The following FAM83G variants were observed in gnomAD, a reference collection of about 807,000 sequenced individuals.
FAM83G encodes the protein scaffolding CK1 anchoring protein G.
A neutral mutation model predicts 61.5 loss-of-function variants in FAM83G; 38 were observed. That is an observed-to-expected ratio of 0.62 (90% CI 0.48 to 0.81). The LOEUF is 0.81. Among genes scored for constraint, FAM83G ranks in the 30% least tolerant of loss-of-function variants. The pLI is 0.00. For missense variants in FAM83G, 989 were observed against 1,133.6 expected, an observed-to-expected ratio of 0.87 and a Z score of 1.83; for synonymous variants, 470 against 476.1, an observed-to-expected ratio of 0.99 and a Z score of 0.17.
intron 2 of FAM83G, among the ~76,000 whole-genome samples, chr17:19,002,045 C>T (rs1219846198): frequency 1.3e-5 from 2 of 152,202 alleles, no homozygotes; most frequent in Non-Finnish European, 2.9e-5. Flanking sequence ...ACATCAGCAG[C>T]ACTTCCTCCA....
At chr17:18,995,887 AAC>A (rs1261686910) in intron 2 of FAM83G, among the ~76,000 whole-genome samples, 4 of 151,590 alleles carry the variant, frequency 2.6e-5, no homozygotes, top group African/African-American at 9.7e-5. Flanking sequence ...CAGCCTGGGC[AAC>A]AGAGTAAGAC....
At chr17:19,006,020 A>G (rs937617824), upstream of FAM83G, among the ~76,000 whole-genome samples, 4 of 152,122 alleles carry the variant, frequency 2.6e-5, no homozygotes, top group African/African-American at 9.7e-5. Flanking sequence ...CTGTGTTCTT[A>G]CCAATGCACA....
At position 19,000,368 on chromosome 17, in the gene FAM83G, C is replaced by T. The variant is rs979126657; in HGVS notation, c.522+3152G>A. Among the ~76,000 whole-genome samples the T allele has an allele frequency of 2.6e-5, 4 of 152,160 alleles. No individual in the cohort carries two copies. Among genetic ancestry groups the T allele is most frequent in the Non-Finnish European group, 5.9e-5 (4 of 68,036 alleles). ...GTCTTCAATACCTGTTCCCATTTTA[C>T]AGATGGGATGACCGGGGCTTGGAGA... On this transcript the variant is annotated intron_variant, in intron 2 of 5. Transcript: ENST00000388995. This position sits in a 1 kb window ranked among gnomAD's most constrained non-coding sequence, Gnocchi z 5.2.
chr17:18,983,347 G>A (rs1238678451), intron 3 of FAM83G, among the ~76,000 whole-genome samples: 1 of 152,272 alleles, frequency 6.6e-6, no homozygotes, highest in Non-Finnish European at 1.5e-5. Flanking sequence ...TCCCACAGCA[G>A]GTCAACAGCC....
chr17:18,991,371 C>T (rs2043420086), intron 2 of FAM83G, among the ~76,000 whole-genome samples: 1 of 152,230 alleles, frequency 6.6e-6, no homozygotes, highest in South Asian at 2.1e-4. Flanking sequence ...GGGTGTGGGC[C>T]TGGCTTGCCC....
chr17:18,978,707 T>G lies in FAM83G; in HGVS notation c.959A>C (p.Glu320Ala). 6.2e-7 allele frequency: 1 copy of G among 1,612,952 alleles called. No homozygotes were observed. Among genetic ancestry groups the G allele is most frequent in the Non-Finnish European group, 8.5e-7 (1 of 1,180,008 alleles). The part of the protein sequence containing the change: ...VSLKGIPMEK[E>A]PEPEPIVLPS... ...CAGCACAATAGGCTCCGGCTCCGGT[T>G]CCTTCTCCATAGGGATGCCCTTGAG... Residue 320 changes from glutamate (E) to alanine (A), a missense_variant, in exon 5 of 6, where the codon GAA becomes GCA. This residue lies in a region of FAM83G where 44 missense variants were observed against 83.9 expected (regional missense o/e 0.52). Coordinates refer to ENST00000388995, the MANE Select transcript of FAM83G (RefSeq NM_001039999.3).
intron 4 of FAM83G, 56 bp downstream of exon 4, chr17:18,979,493 C>A: frequency 6.3e-7 from 1 of 1,599,048 alleles, no homozygotes; most frequent in Non-Finnish European, 8.5e-7. Flanking sequence ...AGGGCAGAAG[C>A]CAGTTGGGAG....
chr17:18,977,314 C>A, intron 5 of FAM83G: 1 of 580,056 alleles, frequency 1.7e-6, no homozygotes, highest in Non-Finnish European at 3.0e-6. Flanking sequence ...TAACCACAGG[C>A]TTTGGAGACC....
At chr17:18,999,589 G>A (rs1461960216) in intron 2 of FAM83G, among the ~76,000 whole-genome samples, 1 of 152,206 alleles carries the variant, frequency 6.6e-6, no homozygotes, top group Non-Finnish European at 1.5e-5. Flanking sequence ...ATGGTAAAGT[G>A]CCCGCTCAGC....
intron 2 of FAM83G, among the ~76,000 whole-genome samples, chr17:18,995,287 CT>C (rs2043536294): frequency 6.6e-6 from 1 of 151,920 alleles, no homozygotes; most frequent in African/African-American, 2.4e-5. Context: ...GATGTGGAAG[CT>C]TTTTTTTAGC....
chr17:18,993,963 C>T (rs1308123520), intron 2 of FAM83G, among the ~76,000 whole-genome samples: 3 of 152,206 alleles, frequency 2.0e-5, no homozygotes, highest in Non-Finnish European at 4.4e-5. Flanking sequence ...CCTCCTCGTC[C>T]TCCCACCAAC....
intron 4 of FAM83G, 154 bp downstream of exon 4, chr17:18,979,395 G>C: frequency 1.1e-6 from 1 of 901,070 alleles, no homozygotes; most frequent in Non-Finnish European, 1.6e-6. Context: ...TGCCTCCAGA[G>C]ACAGACAGGC....
intron 2 of FAM83G, among the ~76,000 whole-genome samples, chr17:18,993,641 T>C (rs1830280385): frequency 6.6e-6 from 1 of 152,174 alleles, no homozygotes; most frequent in African/African-American, 2.4e-5. Context: ...CTGCACACAC[T>C]GCAGACAAGT....
rs1206995760 is a variant in FAM83G, at chr17:19,004,169, T to C, written c.-128A>G. The stretch of plus-strand genomic sequence containing the variant: ...CCTCTGCTTCTCTGCCCATGAGCAA[T>C]CTGCGGGAAAGACCTGATGAGCCCG... On this transcript the variant is annotated splice_region_variant and 5_prime_UTR_variant, in exon 2 of 6. Coordinates refer to ENST00000388995, the MANE Select transcript of FAM83G (RefSeq NM_001039999.3). This position sits in a 1 kb window ranked among gnomAD's most constrained non-coding sequence, Gnocchi z 5.4. The C allele has an allele frequency of 5.7e-6, 5 of 877,392 alleles. No homozygotes were observed. The highest frequency in any genetic ancestry group is 3.5e-5 in the African/African-American group (2 of 56,486). The allele number at this position is 877,392 out of a possible 1,614,324, so 54.4% of individuals were successfully genotyped here.
intron 3 of FAM83G, among the ~76,000 whole-genome samples, chr17:18,981,282 C>T (rs1277083757): frequency 6.6e-6 from 1 of 152,078 alleles, no homozygotes. Flanking sequence ...GACTCAAAGA[C>T]CAGGCATGAG....
In FAM83G at chr17:18,969,089, G is replaced by C. The variant is rs2042773179; in HGVS notation, c.*2270C>G. On this transcript the variant is annotated 3_prime_UTR_variant, in exon 6 of 6. Coordinates refer to ENST00000388995, the MANE Select transcript of FAM83G (RefSeq NM_001039999.3). ...GCGGGGGCTCTGTTTGTGCACATCT[G>C]CCTGGGCTGGAACTTCTACCTCTCC... is the stretch of plus-strand genomic sequence containing the variant. The C allele has an allele frequency of 6.2e-7, 1 of 1,614,102 alleles. No individual in the cohort carries two copies. The highest frequency in any genetic ancestry group is 8.5e-7 in the Non-Finnish European group (1 of 1,179,990).
chr17:18,979,758 C>G, intron 3 of FAM83G, 85 bp from the exon 4 acceptor site: 1 of 1,509,174 alleles, frequency 6.6e-7, no homozygotes, highest in East Asian at 2.3e-5. Flanking sequence ...GCCCAGGGCT[C>G]AGAGGGGACT....
Position 19,003,401 on chromosome 17 carries a change from C to G in FAM83G, c.522+119G>C, listed in dbSNP as rs2043783259. ...CCACCCAAGAGGCAGCCAGGGAAAA[C>G]AGCAGAGATCCCTAGAAGCCCATGT... On this transcript the variant is annotated intron_variant, in intron 2 of 5. Transcript: ENST00000388995. This position sits in a 1 kb window ranked among gnomAD's most constrained non-coding sequence, Gnocchi z 4.5. The G allele has an allele frequency of 8.9e-7, 1 of 1,121,444 alleles. No homozygotes were observed. Among genetic ancestry groups the G allele is most frequent in the Non-Finnish European group, 1.2e-6 (1 of 845,056 alleles). 69.5% of individuals were successfully genotyped at this position (1,121,444 alleles called of 1,614,324 possible).
rs745566884 is a variant in FAM83G, at chr17:18,978,505, T to A, written c.1161A>T (p.Glu387Asp). ...KGPALAEHPG[E>D]LPELLPPIHP... ...GGATGGGTGGCAGCAGCTCGGGGAG[T>A]TCCCCTGGATGCTCAGCCAGCGCTG... The change falls in exon 5 of 6, where the codon GAA becomes GAT. Residue 387 changes from glutamate to aspartate, a missense_variant. This residue lies in a region of FAM83G where 574 missense variants were observed against 645.1 expected (regional missense o/e 0.89). Coordinates refer to ENST00000388995, the MANE Select transcript of FAM83G (RefSeq NM_001039999.3). 4 of 1,612,924 alleles carry A rather than the reference T, an allele frequency of 2.5e-6. No individual in the cohort carries two copies. Among genetic ancestry groups the A allele is most frequent in the South Asian group, 2.2e-5 (2 of 91,036 alleles).
Sources: allele counts gnomAD v4.1 joint callset (sites outside exome capture counted in the v4.1 genomes callset), GRCh38; gene constraint gnomAD v4.1.1; regional missense constraint gnomAD v4.1.1; non-coding constraint Gnocchi (gnomAD v3.1); transcripts MANE v1.5; gene names NCBI Gene and HGNC (gene_info 2026-07-23, HGNC 2026-07-21).